AGAP1: variants seen among roughly 807,000 people sequenced by gnomAD.
AGAP1 encodes the protein arf-GAP with GTPase, ANK repeat and PH domain-containing protein 1.
A neutral mutation model predicts 105.3 loss-of-function variants in AGAP1; 29 were observed. That is an observed-to-expected ratio of 0.28 (90% confidence interval 0.21 to 0.38). AGAP1 has a LOEUF of 0.38. Ranked by LOEUF, AGAP1 falls within the 10% of genes least tolerant of loss-of-function variation. The pLI is 1.00. For missense variants in AGAP1, 998 were observed against 1,165.1 expected (o/e 0.86, Z 2.09); for synonymous variants, 509 against 485.9 (o/e 1.05, Z -0.63).
intron 10 of AGAP1, among the ~76,000 whole-genome samples, chr2:235,885,503 A>G (rs577873454): frequency 1.2e-4 from 19 of 152,316 alleles, no homozygotes; most frequent in African/African-American, 4.1e-4. Flanking sequence ...GAAGAGTCGC[A>G]TGTGCTTTCA....
chr2:235,920,159 CT>C (rs2052109291), intron 11 of AGAP1, among the ~76,000 whole-genome samples: 1 of 152,224 alleles, frequency 6.6e-6, no homozygotes, highest in South Asian at 2.1e-4. Context: ...TCTGTATATT[CT>C]TTTTTCTGTT....
intron 1 of AGAP1, among the ~76,000 whole-genome samples, chr2:235,515,446 C>A (rs1190598297): frequency 1.3e-5 from 2 of 152,130 alleles, no homozygotes; most frequent in East Asian, 3.9e-4. Context: ...CAAAGGAACA[C>A]TGAAAAGGTT....
intron 16 of AGAP1, among the ~76,000 whole-genome samples, chr2:236,077,679 C>A (rs779453556): frequency 1.2e-4 from 19 of 152,120 alleles, no homozygotes; most frequent in African/African-American, 4.6e-4. Context: ...ATGGTTGAGC[C>A]GTCATTACAT....
intron 1 of AGAP1, among the ~76,000 whole-genome samples, chr2:235,638,336 G>A (rs1055078950): frequency 1.3e-5 from 2 of 152,132 alleles, no homozygotes; most frequent in African/African-American, 4.8e-5. Flanking sequence ...CTCTTCGAAC[G>A]GGAGCCTGGA....
intron 12 of AGAP1, among the ~76,000 whole-genome samples, chr2:235,938,302 C>A (rs57828945): frequency 6.6e-6 from 1 of 152,182 alleles, no homozygotes; most frequent in Non-Finnish European, 1.5e-5. Context: ...AGCAGCAGGT[C>A]GGTGGTCAAG....
chr2:235,564,744 G>C (rs13427083), intron 1 of AGAP1, among the ~76,000 whole-genome samples: 67 of 129,406 alleles, frequency 5.2e-4, no homozygotes, highest in African/African-American at 1.7e-3. Flanking sequence ...GCCTGGACCA[G>C]CACCCAGGGC....
rs1198219843 is a variant in AGAP1, at chr2:235,549,117, C to G, written c.163+54268C>G. Among the ~76,000 whole-genome samples the G allele has an allele frequency of 6.6e-6, 1 of 152,216 alleles. No homozygotes were observed. The highest frequency in any genetic ancestry group is 2.4e-5 in the African/African-American group (1 of 41,454). On this transcript the variant is annotated intron_variant, in intron 1 of 17. Coordinates refer to ENST00000304032, the MANE Select transcript of AGAP1 (RefSeq NM_001037131.3). The surrounding 1 kb of genome is among the most constrained non-coding windows in gnomAD (Gnocchi z 4.2). ...GGGTACTTGGAGCTCATGCTAATGA[C>G]TAAATCATTCAAGCCTTCTTCTTCC...
intron 6 of AGAP1, among the ~76,000 whole-genome samples, chr2:235,773,652 C>G (rs981612135): frequency 1.2e-4 from 18 of 152,316 alleles, no homozygotes; most frequent in African/African-American, 4.1e-4. Context: ...ACTATAGATT[C>G]TGATCCTTTT....
chr2:235,821,803 T>C, intron 9 of AGAP1, among the ~76,000 whole-genome samples: 1 of 152,242 alleles, frequency 6.6e-6, no homozygotes, highest in Non-Finnish European at 1.5e-5. Flanking sequence ...TTAATTGCTT[T>C]ATTTATTTTG....
chr2:235,981,347 C>G lies in AGAP1; in HGVS notation c.1645+12724C>G, dbSNP rs2055086343. On this transcript the variant is annotated intron_variant, in intron 13 of 17. Coordinates refer to ENST00000304032, the MANE Select transcript of AGAP1 (RefSeq NM_001037131.3). This position sits in a 1 kb window ranked among gnomAD's most constrained non-coding sequence, Gnocchi z 5.5. ...CTTTCTTCAGGTAGGAATGATTTTC[C>G]CCTTCAGTTGGTTTTCTGCAGAAGC... Among the ~76,000 whole-genome samples the G allele has an allele frequency of 2.6e-5, 4 of 151,888 alleles. No homozygotes were observed. Among genetic ancestry groups the G allele is most frequent in the Admixed American group, 2.6e-4 (4 of 15,248 alleles).
intron 1 of AGAP1, among the ~76,000 whole-genome samples, chr2:235,593,787 G>A (rs2149217827): frequency 6.6e-6 from 1 of 152,162 alleles, no homozygotes; most frequent in East Asian, 1.9e-4. Flanking sequence ...AACATAGTGA[G>A]ACCCACATCT....
chr2:236,083,740 G>GT lies in AGAP1; in HGVS notation c.2114+34466dup, dbSNP rs1327317715. Among the ~76,000 whole-genome samples, 1 of 152,062 alleles carries GT rather than the reference G, an allele frequency of 6.6e-6. No individual in the cohort carries two copies. The highest frequency in any genetic ancestry group is 1.9e-4 in the East Asian group (1 of 5,190). ...CTTAAAAATACTGCACATTAAGTCT[G>GT]TTTTTTTACAGAAGGATAAATGGAT... On this transcript the variant is annotated intron_variant, in intron 16 of 17. Transcript: ENST00000304032. The surrounding 1 kb of genome is among the most constrained non-coding windows in gnomAD (Gnocchi z 5.3).
rs191358931 is a variant in AGAP1, at chr2:235,792,243, T to C, written c.674-5516T>C. 6.6e-6 allele frequency among the ~76,000 whole-genome samples: 1 copy of C among 152,164 alleles called. No individual in the cohort carries two copies. The highest frequency in any genetic ancestry group is 1.5e-5 in the Non-Finnish European group (1 of 68,034). On this transcript the variant is annotated intron_variant, in intron 6 of 17. Coordinates refer to ENST00000304032, the MANE Select transcript of AGAP1 (RefSeq NM_001037131.3). The surrounding 1 kb of genome is among the most constrained non-coding windows in gnomAD (Gnocchi z 5.3). ...TTCAGTGTCACTGCAATCTATACGC[T>C]TTCTCTGTGTCTTCCTTAGTTCTCT... is the stretch of plus-strand genomic sequence containing the variant.
rs1276000596 is a variant in AGAP1 at position 235,751,670 on chromosome 2, A to G, written c.673+1182A>G. 6.6e-6 allele frequency among the ~76,000 whole-genome samples: 1 copy of G among 151,968 alleles called. No homozygotes were observed. The highest frequency in any genetic ancestry group is 1.9e-4 in the East Asian group (1 of 5,178). Reference sequence around the variant, plus strand: ...GATGACATCAGTTCTCAAACTTCACATTTTCTTTCCTGGAGCAGTGAGGTT... The same window carrying G: ...GATGACATCAGTTCTCAAACTTCACGTTTTCTTTCCTGGAGCAGTGAGGTT... On this transcript the variant is annotated intron_variant, in intron 6 of 17. Transcript: ENST00000304032. The surrounding 1 kb of genome is among the most constrained non-coding windows in gnomAD (Gnocchi z 5.3).
chr2:236,030,206 T>A (rs1454473703), intron 13 of AGAP1, among the ~76,000 whole-genome samples: 1 of 152,176 alleles, frequency 6.6e-6, no homozygotes, highest in Non-Finnish European at 1.5e-5. Context: ...AGAGACGGGG[T>A]CTCACCATGT....
intron 1 of AGAP1, among the ~76,000 whole-genome samples, chr2:235,651,128 T>C (rs1446455665): frequency 7.6e-6 from 1 of 131,510 alleles, no homozygotes; most frequent in Non-Finnish European, 1.5e-5. Flanking sequence ...TTGCAGTGAG[T>C]CAAGATCGTG....
rs897599384 is a variant in AGAP1 at position 235,635,932 on chromosome 2, G to A, written c.164-73247G>A. ...GTTCAACACCAGCCTGGCCAACATG[G>A]TGAAACCCCGTCTCTACTAAAACTA... On this transcript the variant is annotated intron_variant, in intron 1 of 17. Transcript: ENST00000304032. This position sits in a 1 kb window ranked among gnomAD's most constrained non-coding sequence, Gnocchi z 5.3. 6.6e-6 allele frequency among the ~76,000 whole-genome samples: 1 copy of A among 151,910 alleles called. No individual in the cohort carries two copies. Among genetic ancestry groups the A allele is most frequent in the Admixed American group, 6.6e-5 (1 of 15,246 alleles).
At chr2:235,668,817 C>T (rs567209013) in intron 1 of AGAP1, among the ~76,000 whole-genome samples, 28 of 152,292 alleles carry the variant, frequency 1.8e-4, no homozygotes, top group African/African-American at 6.0e-4. Flanking sequence ...ATTTAATCTT[C>T]ACAGGAATGC....
chr2:235,997,042 T>TGTGCATGCATAGGTACATAG (rs1305628878), intron 13 of AGAP1, among the ~76,000 whole-genome samples: 8 of 152,200 alleles, frequency 5.3e-5, no homozygotes, highest in Admixed American at 1.3e-4. Context: ...CAGGAGTGTG[T>TGTGCATGCATAGGTACATAG]GTGCATGCAT....
Sources: allele counts gnomAD v4.1 joint callset (sites outside exome capture counted in the v4.1 genomes callset), GRCh38; gene constraint gnomAD v4.1.1; non-coding constraint Gnocchi (gnomAD v3.1); transcripts MANE v1.5; gene names NCBI Gene and HGNC (gene_info 2026-07-23, HGNC 2026-07-21).